Variants in KCNQ2 observed in about 807,000 individuals in gnomAD.
KCNQ2 encodes potassium voltage-gated channel subfamily Q member 2.
A neutral mutation model predicts 84.8 loss-of-function variants in KCNQ2; 14 were observed. The ratio of observed to expected loss-of-function variants is 0.17; its 90% CI spans 0.11 to 0.26. KCNQ2 has a LOEUF of 0.26. KCNQ2 is among the 10% of genes least tolerant of loss of function. KCNQ2 has a pLI of 1.00. For synonymous variants in KCNQ2, 599 were observed against 554.1 expected, an observed-to-expected ratio of 1.08 and a Z score of -1.14; for missense variants, 788 against 1,254.0, an observed-to-expected ratio of 0.63 and a Z score of 5.61.
Position 63,408,374 on chromosome 20 carries a change from C to T in KCNQ2, c.1887+39G>A, listed in dbSNP as rs1217836330. The T allele has an allele frequency of 6.2e-7, 1 of 1,600,370 alleles. No individual in the cohort carries two copies. The highest frequency in any genetic ancestry group is 1.1e-5 in the South Asian group (1 of 90,658). ...CACAGGTTGACGGCAGGCACCACAG[C>T]CCTCCAGCCCCGCACCCCTCCCGCC... On this transcript the variant is annotated intron_variant, in intron 16 of 16. Coordinates refer to ENST00000359125, the MANE Select transcript of KCNQ2 (RefSeq NM_172107.4). The surrounding 1 kb of genome is among the most constrained non-coding windows in gnomAD (Gnocchi z 5.0).
chr20:63,442,719 C>CCATCATCACCACCATCACCACCAT (rs1568933980), intron 4 of KCNQ2, among the ~76,000 whole-genome samples, 188 bp from the exon 5 acceptor site: 1 of 38,396 alleles, frequency 2.6e-5, no homozygotes, highest in Non-Finnish European at 5.6e-5. Context: ...ACCACCACCA[C>CCATCATCACCACCATCACCACCAT]CACCATCATC....
chr20:63,441,449 T>C (rs2081159960), intron 5 of KCNQ2, among the ~76,000 whole-genome samples: 1 of 152,126 alleles, frequency 6.6e-6, no homozygotes, highest in Admixed American at 6.5e-5. Flanking sequence ...ATTCTCACCA[T>C]AAGGCTTAGT....
rs2079797878 is a variant in KCNQ2 at position 63,400,979 on chromosome 20, A to G, written c.*5665T>C. On this transcript the variant is annotated 3_prime_UTR_variant, in exon 17 of 17. Transcript: ENST00000359125. This position sits in a 1 kb window ranked among gnomAD's most constrained non-coding sequence, Gnocchi z 8.7. ...CAACGACTTTGTAAAACCCAGGCGG[A>G]GTTGGCGTGTGGCGATGGCGATGTG... 2 of 397,498 alleles carry G rather than the reference A, an allele frequency of 5.0e-6. No individual in the cohort carries two copies. The allele number at this position is 397,498 out of a possible 1,614,324, so 24.6% of individuals were successfully genotyped here.
intron 10 of KCNQ2, among the ~76,000 whole-genome samples, chr20:63,427,946 C>G (rs1010346151): frequency 6.6e-6 from 1 of 152,208 alleles, no homozygotes; most frequent in Admixed American, 6.5e-5. Flanking sequence ...CTTCTGCAAC[C>G]TACCTCGACA....
rs1398048949 is a variant in KCNQ2, at chr20:63,443,120, T to C, written c.691-589A>G. Among the ~76,000 whole-genome samples, 50 of 30,492 alleles carry C rather than the reference T, an allele frequency of 1.6e-3. 1 individual carries two copies. Among genetic ancestry groups the C allele is most frequent in the East Asian group, 0.01 (4 of 392 alleles). 20.0% of individuals were successfully genotyped at this position (30,492 alleles called of 152,430 possible). A position where few individuals can be genotyped will look rare whatever the true frequency, so the allele number is the denominator to read the frequency against. ...ACCATCACCATCACCACCACCACTA[T>C]CACCACCACCACCATCATCACCACC... On this transcript the variant is annotated intron_variant, in intron 4 of 16. Transcript: ENST00000359125.
Position 63,466,253 on chromosome 20 carries a change from G to C in KCNQ2, c.296+5915C>G, listed in dbSNP as rs6011843. 9.9e-3 allele frequency among the ~76,000 whole-genome samples: 1,501 copies of C among 152,014 alleles called. 27 individuals carry two copies. Among genetic ancestry groups the C allele is most frequent in the African/African-American group, 0.035 (1,450 of 41,458 alleles). ...AAACAGGCAAGCTTCCCACGCTCGA[G>C]CCCGGGCCCCGCGCTTCAACCCACG... On this transcript the variant is annotated intron_variant, in intron 1 of 16. Transcript: ENST00000359125.
chr20:63,451,533 T>A (rs1429011677), intron 1 of KCNQ2, among the ~76,000 whole-genome samples: 1 of 152,166 alleles, frequency 6.6e-6, no homozygotes, highest in Non-Finnish European at 1.5e-5. Context: ...AATAAAAGCC[T>A]GACCCTGTGG....
rs1225307012 is a variant in KCNQ2, at chr20:63,407,537, G to T, written c.1888-162C>A. Reference sequence around the variant, plus strand: ...GGGACCCAGGCTAGTCCCAGGAGATGTGGGGACCCGGGCTGCTCCCAGGAA... The same window carrying T: ...GGGACCCAGGCTAGTCCCAGGAGATTTGGGGACCCGGGCTGCTCCCAGGAA... On this transcript the variant is annotated intron_variant, in intron 16 of 16. Coordinates refer to ENST00000359125, the MANE Select transcript of KCNQ2 (RefSeq NM_172107.4). The surrounding 1 kb of genome is among the most constrained non-coding windows in gnomAD (Gnocchi z 7.2). 6.6e-6 allele frequency among the ~76,000 whole-genome samples: 1 copy of T among 151,970 alleles called. No homozygotes were observed. The highest frequency in any genetic ancestry group is 1.5e-5 in the Non-Finnish European group (1 of 67,966).
At chr20:63,427,381 C>T (rs760839361) in intron 10 of KCNQ2, among the ~76,000 whole-genome samples, 2 of 152,248 alleles carry the variant, frequency 1.3e-5, no homozygotes, top group African/African-American at 2.4e-5. Context: ...ATGTCACACC[C>T]GCGCTTGTAG....
Position 63,400,578 on chromosome 20 carries a change from G to A in KCNQ2, c.*6066C>T. The A allele has an allele frequency of 2.5e-6, 1 of 398,602 alleles. No homozygotes were observed. The allele number at this position is 398,602 out of a possible 1,614,324, so 24.7% of individuals were successfully genotyped here. ...ATGGTCAGAAGTGTACGTCGGTACT[G>A]AAGGCATTATGAAATGTTCTTTGGA... On this transcript the variant is annotated 3_prime_UTR_variant, in exon 17 of 17. Coordinates refer to ENST00000359125, the MANE Select transcript of KCNQ2 (RefSeq NM_172107.4). The surrounding 1 kb of genome is among the most constrained non-coding windows in gnomAD (Gnocchi z 8.7).
rs187571225 is a variant in KCNQ2 at position 63,406,500 on chromosome 20, A to C, written c.*144T>G. On this transcript the variant is annotated 3_prime_UTR_variant, in exon 17 of 17. Transcript: ENST00000359125. The stretch of plus-strand genomic sequence containing the variant: ...TCACTGCCAGGAGCCCCCATCCTTC[A>C]GCCCACATGGGCCCCTCCAGGGCCC... 1 of 981,606 alleles carries C rather than the reference A, an allele frequency of 1.0e-6. No individual in the cohort carries two copies. Among genetic ancestry groups the C allele is most frequent in the Non-Finnish European group, 1.5e-6 (1 of 687,224 alleles). 60.8% of individuals were successfully genotyped at this position (981,606 alleles called of 1,614,324 possible).
rs189096676 is a variant in KCNQ2 at position 63,447,779 on chromosome 20, T to C, written c.297-942A>G. 3.4e-3 allele frequency among the ~76,000 whole-genome samples: 525 copies of C among 152,218 alleles called. 6 individuals carry two copies. The highest frequency in any genetic ancestry group is 0.012 in the African/African-American group (499 of 41,532). ...CAGGCTAATTTTTGTATTTTTTTAG[T>C]GGAGATGGGGTTTCATCACATTGGC... On this transcript the variant is annotated intron_variant, in intron 1 of 16. Coordinates refer to ENST00000359125, the MANE Select transcript of KCNQ2 (RefSeq NM_172107.4).
rs777827412 is a variant in KCNQ2, at chr20:63,425,089, C to T, written c.1218-883G>A. ...CCCCGTCTCTGCCTCCGTCTCTACA[C>T]GACATTCTCTGTGTCTCTGTGTCTT... On this transcript the variant is annotated intron_variant, in intron 10 of 16. Transcript: ENST00000359125. This position sits in a 1 kb window ranked among gnomAD's most constrained non-coding sequence, Gnocchi z 5.5. 2.8e-4 allele frequency among the ~76,000 whole-genome samples: 42 copies of T among 152,286 alleles called. No homozygotes were observed. The highest frequency in any genetic ancestry group is 5.9e-4 in the Admixed American group (9 of 15,302).
chr20:63,441,114 C>G (rs1257976466), intron 5 of KCNQ2, among the ~76,000 whole-genome samples: 1 of 26 alleles, frequency 0.038, no homozygotes, highest in Admixed American at 0.12. Context: ...ACTACAGGCG[C>G]CCGCCACCAC....
intron 1 of KCNQ2, among the ~76,000 whole-genome samples, chr20:63,454,754 T>C: frequency 6.6e-6 from 1 of 152,202 alleles, no homozygotes; most frequent in Non-Finnish European, 1.5e-5. Flanking sequence ...AGGAGACCCC[T>C]GATGGCATCC....
At chr20:63,455,215 G>A (rs79180970) in intron 1 of KCNQ2, among the ~76,000 whole-genome samples, 1 of 152,314 alleles carries the variant, frequency 6.6e-6, no homozygotes, top group East Asian at 1.9e-4. Context: ...CAACACAAAG[G>A]GTTTCGAAGC....
chr20:63,418,268 G>T (rs894504790), intron 12 of KCNQ2, among the ~76,000 whole-genome samples: 2 of 152,260 alleles, frequency 1.3e-5, no homozygotes, highest in African/African-American at 2.4e-5. Context: ...TGTGCGAGGG[G>T]CGTCCGTGGC....
rs369890444 is a variant in KCNQ2, at chr20:63,455,453, G to A, written c.297-8616C>T. 4.3e-4 allele frequency among the ~76,000 whole-genome samples: 65 copies of A among 152,282 alleles called. 1 individual carries two copies. The East Asian group carries it at 0.011, about 25-fold the overall frequency. ...CGTCCCTGACGCACAGCCCAGCCCC[G>A]TGCCCATCAGACAGCCCCAGATCAC... On this transcript the variant is annotated intron_variant, in intron 1 of 16. Transcript: ENST00000359125.
intron 4 of KCNQ2, among the ~76,000 whole-genome samples, chr20:63,443,175 A>C: frequency 1.0e-5 from 1 of 100,024 alleles, no homozygotes; most frequent in Non-Finnish European, 2.0e-5. Flanking sequence ...CCATCACATC[A>C]CCATCACCAT....
Sources: gnomAD v4.1 joint callset for allele counts (sites outside exome capture counted in the v4.1 genomes callset) on GRCh38, gnomAD v4.1.1 for gene constraint, Gnocchi (gnomAD v3.1) non-coding constraint, MANE v1.5 for transcripts, NCBI Gene and HGNC (gene_info 2026-07-23, HGNC 2026-07-21) for gene names.